Variants in JAG1 observed in about 807,000 individuals in gnomAD.
JAG1 encodes the protein protein jagged-1.
In JAG1, 23 loss-of-function variants were observed where a neutral mutation model predicts 148.7. That is an observed-to-expected ratio of 0.15 (90% confidence interval 0.11 to 0.22). The LOEUF is 0.22. Among genes scored for constraint, JAG1 ranks in the 10% least tolerant of loss-of-function variants. The probability of loss-of-function intolerance (pLI) is 1.00; values close to 1 mark genes in which losing one functional copy is unlikely to be tolerated. For missense variants in JAG1, 1,054 were observed against 1,611.2 expected (o/e 0.65, Z 5.92); for synonymous variants, 572 against 598.3 (o/e 0.96, Z 0.64).
rs975855801 is a variant in JAG1, at chr20:10,644,737, T to G, written c.2344+126A>C. Reference sequence around the variant, plus strand: ...GGGCTGTATCCCATCAAGTCATTAATGCAGACCCAGGTGATACAAAAGCAG... The same window carrying G: ...GGGCTGTATCCCATCAAGTCATTAAGGCAGACCCAGGTGATACAAAAGCAG... On this transcript the variant is annotated intron_variant, in intron 18 of 25. Coordinates refer to ENST00000254958, the MANE Select transcript of JAG1 (RefSeq NM_000214.3). 1.1e-5 allele frequency: 9 copies of G among 803,850 alleles called. No homozygotes were observed. The African/African-American group carries it at 1.5e-4, about 13-fold the overall frequency. 49.8% of individuals were successfully genotyped at this position (803,850 alleles called of 1,614,324 possible). A position where few individuals can be genotyped will look rare whatever the true frequency, so the allele number is the denominator to read the frequency against.
In JAG1 at chr20:10,647,068, C is replaced by T. The variant is rs762348061; in HGVS notation, c.1756G>A (p.Asp586Asn). ...DSCTVAMASN[D>N]TPEGVRYISS... ...ATATACCGCACCCCTTCAGGTGTGT[C>T]GTTGGAAGCCATGGCCACTGTGCAG... The change falls in exon 14 of 26, where the codon GAC becomes AAC. Residue 586 changes from aspartate to asparagine, a missense_variant. Transcript: ENST00000254958. 1.5e-5 allele frequency: 25 copies of T among 1,614,106 alleles called. 1 individual carries two copies. Among genetic ancestry groups the T allele is most frequent in the Non-Finnish European group, 2.1e-5 (25 of 1,180,054 alleles).
chr20:10,642,836 C>T (rs1255246295), intron 20 of JAG1, among the ~76,000 whole-genome samples: 1 of 152,216 alleles, frequency 6.6e-6, no homozygotes, highest in Admixed American at 6.5e-5. Flanking sequence ...TGGGAGGCAG[C>T]AATTTTTAAT....
chr20:10,667,363 G>C (rs928139299), intron 2 of JAG1, among the ~76,000 whole-genome samples: 15 of 152,178 alleles, frequency 9.9e-5, no homozygotes, highest in African/African-American at 3.1e-4. Flanking sequence ...CGCTTGTCCT[G>C]TGTTAGCATT....
chr20:10,652,835 G>A (rs2067355973), intron 5 of JAG1: 2 of 440,698 alleles, frequency 4.5e-6, no homozygotes, highest in Non-Finnish European at 8.5e-6. Context: ...GGCCAGCATG[G>A]GGATGCCCTT....
At chr20:10,663,363 A>C (rs2067430313) in intron 3 of JAG1, among the ~76,000 whole-genome samples, 1 of 152,204 alleles carries the variant, frequency 6.6e-6, no homozygotes, top group Non-Finnish European at 1.5e-5. Context: ...TGGCTTATCC[A>C]CCAAAACCAA....
chr20:10,641,578 A>T lies in JAG1; in HGVS notation c.2798T>A (p.Val933Glu). The change falls in exon 23 of 26, where the codon GTG becomes GAG. Residue 933 changes from valine (V) to glutamate (E), a missense_variant. Around this residue, in one of 6 missense-constraint regions of JAG1, gnomAD observed 342 missense variants for 514.6 expected, o/e 0.66. Coordinates refer to ENST00000254958, the MANE Select transcript of JAG1 (RefSeq NM_000214.3). ...GAGACTGGAAGACCGACACTCGCCC[A>T]CACCAGTGCAGGGGTGGACGAAGCA... is the stretch of plus-strand genomic sequence containing the variant. ...DQCFVHPCTG[V>E]GECRSSSLQP... is the part of the protein sequence containing the mutation. The T allele has an allele frequency of 6.2e-7, 1 of 1,614,208 alleles. No individual in the cohort carries two copies. The highest frequency in any genetic ancestry group is 8.5e-7 in the Non-Finnish European group (1 of 1,180,030).
intron 2 of JAG1, among the ~76,000 whole-genome samples, chr20:10,667,222 A>G (rs969566688): frequency 4.6e-5 from 7 of 152,222 alleles, no homozygotes; most frequent in Non-Finnish European, 1.0e-4. Context: ...CTGCTGCGAC[A>G]GGCAGGCCCG....
Position 10,673,423 on chromosome 20 carries a change from G to A in JAG1, c.81+27C>T. The A allele has an allele frequency of 2.1e-6, 3 of 1,430,682 alleles. No individual in the cohort carries two copies. In the South Asian group the frequency reaches 4.3e-5, roughly 21 times the overall value. The allele number at this position is 1,430,682 out of a possible 1,614,324, so 88.6% of individuals were successfully genotyped here. A position where few individuals can be genotyped will look rare whatever the true frequency, so the allele number is the denominator to read the frequency against. On this transcript the variant is annotated intron_variant, in intron 1 of 25. Transcript: ENST00000254958. This position sits in a 1 kb window ranked among gnomAD's most constrained non-coding sequence, Gnocchi z 4.7. ...GCGAGGGGAGGGAGAGGACGGCTGG[G>A]AGGGAGGCCCGGAGAAGGGCTCCTA...
intron 4 of JAG1, among the ~76,000 whole-genome samples, chr20:10,656,891 AAAAAC>A (rs1399622199): frequency 6.6e-6 from 1 of 151,718 alleles, no homozygotes; most frequent in African/African-American, 2.4e-5. Flanking sequence ...AAAAAAAAAA[AAAAAC>A]AACCCATACC....
At chr20:10,643,409 C>A (rs140489797) in intron 20 of JAG1, among the ~76,000 whole-genome samples, 2 of 152,200 alleles carry the variant, frequency 1.3e-5, no homozygotes, top group Non-Finnish European at 2.9e-5. Flanking sequence ...TCCTCCCTTC[C>A]GTTTGTATTA....
chr20:10,663,011 T>G (rs3748480), intron 3 of JAG1, among the ~76,000 whole-genome samples: 31,300 of 151,798 alleles, frequency 0.21, 4,237 homozygotes, highest in South Asian at 0.39. Context: ...ACCCACGGTG[T>G]GCATTCACCA....
At chr20:10,668,651 C>T (rs751048766) in intron 2 of JAG1, among the ~76,000 whole-genome samples, 15 of 151,586 alleles carry the variant, frequency 9.9e-5, no homozygotes, top group Non-Finnish European at 2.1e-4. Context: ...ACTGTGAAGG[C>T]TCCTTGTTAC....
rs1453605361 is a variant in JAG1 at position 10,641,898 on chromosome 20, AGGTGGAGACG to A, written c.2573-16_2573-7del. ...GATGCAAGGTCTCCCTGAAACTGAC[AGGTGGAGACG>A]GGTGAGCAGTTTATTTTTCTGTGAA... On this transcript the variant is annotated splice_polypyrimidine_tract_variant and splice_region_variant and intron_variant, in intron 21 of 25. Coordinates refer to ENST00000254958, the MANE Select transcript of JAG1 (RefSeq NM_000214.3). 5.1e-6 allele frequency: 8 copies of A among 1,579,788 alleles called. No individual in the cohort carries two copies. The Admixed American group carries it at 6.7e-5, about 13-fold the overall frequency.
Position 10,645,277 on chromosome 20 carries a change from G to GT in JAG1, c.2114-22dup. 6.2e-7 allele frequency: 1 copy of GT among 1,608,700 alleles called. No individual in the cohort carries two copies. ...GTCACCTGGAGGAAAATATTTCAGT[G>GT]TGAGTCCCAGTGGCCCCCTCCCACA... On this transcript the variant is annotated intron_variant, in intron 16 of 25. Coordinates refer to ENST00000254958, the MANE Select transcript of JAG1 (RefSeq NM_000214.3). This position sits in a 1 kb window ranked among gnomAD's most constrained non-coding sequence, Gnocchi z 6.1.
At chr20:10,664,675 C>G (rs2067441427) in intron 2 of JAG1, among the ~76,000 whole-genome samples, 1 of 152,036 alleles carries the variant, frequency 6.6e-6, no homozygotes, top group Non-Finnish European at 1.5e-5. Context: ...GGGCAGATCC[C>G]AGGGAAGAAA....
rs2067310343 is a variant in JAG1, at chr20:10,646,582, G to GGA, written c.1885+356_1885+357insTC. Among the ~76,000 whole-genome samples, 23 of 152,076 alleles carry GGA rather than the reference G, an allele frequency of 1.5e-4. No homozygotes were observed. The South Asian group carries it at 4.6e-3, about 30-fold the overall frequency. On this transcript the variant is annotated intron_variant, in intron 14 of 25. Coordinates refer to ENST00000254958, the MANE Select transcript of JAG1 (RefSeq NM_000214.3). ...CTTTGGGAGGCCAAGTTGGGGGTCG[G>GGA]GGGGTGGATCATCTGAGGCTGGGAG...
chr20:10,655,556 T>C (rs910996666), intron 5 of JAG1, among the ~76,000 whole-genome samples: 4 of 152,182 alleles, frequency 2.6e-5, no homozygotes, highest in South Asian at 2.1e-4. Flanking sequence ...TGGGACATAC[T>C]GGTTTAGACT....
In JAG1 at chr20:10,645,303, G is replaced by A. The variant is rs772350914; in HGVS notation, c.2114-47C>T. 131 of 1,605,914 alleles carry A rather than the reference G, an allele frequency of 8.2e-5. No homozygotes were observed. Among genetic ancestry groups the A allele is most frequent in the Middle Eastern group, 4.9e-4 (3 of 6,070 alleles). ...TGAGTCCCAGTGGCCCCCTCCCACAGAAGACAGAGGGAAGGGTCCCAGAGA... is the reference window on the plus strand; with the variant it reads ...TGAGTCCCAGTGGCCCCCTCCCACAAAAGACAGAGGGAAGGGTCCCAGAGA... On this transcript the variant is annotated intron_variant, in intron 16 of 25. Transcript: ENST00000254958. This position sits in a 1 kb window ranked among gnomAD's most constrained non-coding sequence, Gnocchi z 6.1.
intron 8 of JAG1, 90 bp from the exon 9 acceptor site, chr20:10,650,450 G>C (rs1398306956): frequency 5.2e-6 from 4 of 770,130 alleles, no homozygotes; most frequent in South Asian, 1.5e-5. Context: ...ATGAGGGGCT[G>C]TCATTGAAGA....
Sources: gnomAD v4.1 joint callset for allele counts (sites outside exome capture counted in the v4.1 genomes callset) on GRCh38, gnomAD v4.1.1 for gene constraint, gnomAD v4.1.1 regional missense constraint, Gnocchi (gnomAD v3.1) non-coding constraint, MANE v1.5 for transcripts, NCBI Gene and HGNC (gene_info 2026-07-23, HGNC 2026-07-21) for gene names.